AKR1C3: variants seen among roughly 807,000 people sequenced by gnomAD.
AKR1C3 encodes 3-alpha hydroxysteroid dehydrogenase, type II.
Under a neutral mutation model 43.6 loss-of-function variants are expected in AKR1C3, and 48 were observed. The observed-to-expected ratio is 1.10, with a 90% CI of 0.87 to 1.40. AKR1C3 has a LOEUF of 1.40. AKR1C3 is among the 40% of genes most tolerant of loss of function. AKR1C3 has a pLI of 0.00. For synonymous variants in AKR1C3, 162 were observed against 139.6 expected (o/e 1.16, Z -1.13); for missense variants, 482 against 391.2 (o/e 1.23, Z -1.96).
At chr10:5,069,613 G>T (rs1451798491) in intron 1 of AKR1C3, among the ~76,000 whole-genome samples, 1 of 152,130 alleles carries the variant, frequency 6.6e-6, no homozygotes, top group Non-Finnish European at 1.5e-5. Flanking sequence ...GGTGGCTTAT[G>T]CCTGTAATTC....
At chr10:5,056,739 T>C (rs1554779639) in intron 1 of AKR1C3, among the ~76,000 whole-genome samples, 1 of 152,186 alleles carries the variant, frequency 6.6e-6, no homozygotes, top group African/African-American at 2.4e-5. Context: ...CCCATATTCA[T>C]GTAGATAATA....
chr10:5,065,800 C>T (rs1392792944), intron 1 of AKR1C3, among the ~76,000 whole-genome samples: 4 of 152,158 alleles, frequency 2.6e-5, no homozygotes, highest in Admixed American at 1.3e-4. Flanking sequence ...GCCTTATGTT[C>T]CCTGCCTCCA....
At chr10:5,058,204 G>A (rs1364397722) in intron 1 of AKR1C3, among the ~76,000 whole-genome samples, 3 of 152,192 alleles carry the variant, frequency 2.0e-5, no homozygotes, top group Non-Finnish European at 2.9e-5. Context: ...TAAGCTGAGA[G>A]GTCCTCCTGT....
At chr10:5,087,162 T>C (rs1838985064) in intron 1 of AKR1C3, among the ~76,000 whole-genome samples, 1 of 152,182 alleles carries the variant, frequency 6.6e-6, no homozygotes, top group South Asian at 2.1e-4. Flanking sequence ...CTTCCTAGCC[T>C]CGCTGGTCTT....
intron 8 of AKR1C3, among the ~76,000 whole-genome samples, chr10:5,107,056 T>A (rs1004419498): frequency 2.0e-5 from 3 of 152,236 alleles, no homozygotes; most frequent in Non-Finnish European, 4.4e-5. Context: ...TTTAATGCAC[T>A]GTAGCTCCTT....
upstream of AKR1C3, among the ~76,000 whole-genome samples, chr10:5,090,383 C>T (rs536451662): frequency 1.3e-5 from 2 of 152,198 alleles, no homozygotes; most frequent in South Asian, 4.1e-4. Context: ...CAATCTGTTT[C>T]CCTAATACAT....
intron 1 of AKR1C3, among the ~76,000 whole-genome samples, chr10:5,064,921 C>A (rs1463612634): frequency 5.6e-5 from 8 of 141,902 alleles, no homozygotes; most frequent in Non-Finnish European, 6.0e-5. Context: ...ACAAAATAAG[C>A]AAAAAAAAAA....
chr10:5,068,791 C>T (rs1388251469), intron 1 of AKR1C3, among the ~76,000 whole-genome samples: 1 of 152,188 alleles, frequency 6.6e-6, no homozygotes, highest in African/African-American at 2.4e-5. Flanking sequence ...CCAAGAAGGC[C>T]TCTTTCATCT....
intron 1 of AKR1C3, among the ~76,000 whole-genome samples, chr10:5,083,503 G>T (rs1296946998): frequency 2.6e-5 from 4 of 152,192 alleles, no homozygotes; most frequent in African/African-American, 4.8e-5. Context: ...TTGGTTCCAA[G>T]TCTTTGCTAT....
chr10:5,107,384 A>C (rs939920156), intron 8 of AKR1C3, 77 bp from the exon 9 acceptor site: 10 of 1,039,010 alleles, frequency 9.6e-6, no homozygotes, highest in Non-Finnish European at 1.0e-5. Context: ...TACTAATGAC[A>C]GCTTCATTGA....
At chr10:5,104,116 T>G (rs1361020524) in intron 7 of AKR1C3, among the ~76,000 whole-genome samples, 1 of 152,194 alleles carries the variant, frequency 6.6e-6, no homozygotes, top group African/African-American at 2.4e-5. Flanking sequence ...AGTTGCTACT[T>G]TTCATGTAGT....
intron 1 of AKR1C3, among the ~76,000 whole-genome samples, chr10:5,083,221 C>A (rs1268524627): frequency 6.6e-6 from 1 of 152,140 alleles, no homozygotes; most frequent in Admixed American, 6.6e-5. Flanking sequence ...TGCTATCCCT[C>A]CCGACTCCCC....
intron 1 of AKR1C3, among the ~76,000 whole-genome samples, chr10:5,058,289 C>T (rs1273917815): frequency 6.6e-6 from 1 of 152,146 alleles, no homozygotes; most frequent in Non-Finnish European, 1.5e-5. Flanking sequence ...TAAGGTATTT[C>T]ACTCCATTTG....
rs183726758 is a variant in AKR1C3 at position 5,052,974 on chromosome 10, C to T, written c.84+4079C>T. ...GATACAGAGTGCCGATTGGTGCATT[C>T]ACAAACCCTGAGCTAGACACAGGGT... On this transcript the variant is annotated intron_variant, in intron 1 of 8. Coordinates refer to the AKR1C3 transcript ENST00000439082. 1.5e-3 allele frequency among the ~76,000 whole-genome samples: 223 copies of T among 152,052 alleles called. 1 individual carries two copies. The Middle Eastern group carries it at 0.021, about 14-fold the overall frequency.
intron 5 of AKR1C3, among the ~76,000 whole-genome samples, chr10:5,100,080 G>T (rs1045438906): frequency 3.3e-5 from 5 of 152,248 alleles, no homozygotes; most frequent in Non-Finnish European, 1.5e-5. Context: ...ATCACCTGAG[G>T]TTGGGAGTTT....
chr10:5,056,309 A>G (rs782780956), intron 1 of AKR1C3, among the ~76,000 whole-genome samples: 33 of 152,116 alleles, frequency 2.2e-4, no homozygotes, highest in African/African-American at 6.5e-4. Flanking sequence ...AATACAGAAG[A>G]AGGCATCCTT....
Position 5,102,107 on chromosome 10 carries a change from T to G in AKR1C3, c.577T>G (p.Cys193Gly). ...CTCTTTTGGTCAACTGCAGGTAGAA[T>G]GTCATCCGTATTTCAACCGGAGTAA... ...KYKPVCNQVECHPYFNRSKLL... is the reference protein window; with the variant it reads ...KYKPVCNQVEGHPYFNRSKLL... Residue 193 changes from cysteine (C) to glycine (G), a missense_variant, in exon 6 of 9, where the codon TGT becomes GGT. Coordinates refer to ENST00000380554, the MANE Select transcript of AKR1C3 (RefSeq NM_003739.6). The G allele has an allele frequency of 6.2e-7, 1 of 1,609,496 alleles. No individual in the cohort carries two copies.
At chr10:5,083,313 T>C (rs1838877333) in intron 1 of AKR1C3, among the ~76,000 whole-genome samples, 1 of 151,892 alleles carries the variant, frequency 6.6e-6, no homozygotes, top group Non-Finnish European at 1.5e-5. Context: ...CACCTATGAG[T>C]GAGAACATGC....
intron 1 of AKR1C3, among the ~76,000 whole-genome samples, chr10:5,068,121 G>C (rs1273841792): frequency 7.2e-5 from 11 of 152,086 alleles, no homozygotes; most frequent in African/African-American, 2.7e-4. Context: ...ACTTGGATTA[G>C]TAGCTTTATA....
Sources: gnomAD v4.1 joint callset for allele counts (sites outside exome capture counted in the v4.1 genomes callset) on GRCh38, gnomAD v4.1.1 for gene constraint, MANE v1.5 for transcripts, NCBI Gene and HGNC (gene_info 2026-07-23, HGNC 2026-07-21) for gene names.